DPP10: variants seen among roughly 807,000 people sequenced by gnomAD.
DPP10 encodes dipeptidyl peptidase like 10.
DPP10 carries 33 observed loss-of-function variants against 120.9 expected under a neutral mutation model. That is an observed-to-expected ratio of 0.27 (90% CI 0.21 to 0.37). The LOEUF is 0.37. Among genes scored for constraint, DPP10 ranks in the 10% least tolerant of loss-of-function variants. The pLI, the probability that DPP10 is intolerant of heterozygous loss-of-function variation, is 1.00. For synonymous variants in DPP10, 337 were observed against 326.1 expected (o/e 1.03, Z -0.36); for missense variants, 816 against 942.8 (o/e 0.87, Z 1.76).
intron 1 of DPP10, among the ~76,000 whole-genome samples, chr2:114,786,803 G>A (rs1310743176): frequency 6.6e-6 from 1 of 152,164 alleles, no homozygotes; most frequent in Non-Finnish European, 1.5e-5. Flanking sequence ...GGTCAAAAAA[G>A]CCACCTGGGC....
At chr2:115,473,665 A>G (rs1574951377) in intron 3 of DPP10, among the ~76,000 whole-genome samples, 1 of 152,232 alleles carries the variant, frequency 6.6e-6, no homozygotes, top group Admixed American at 6.5e-5. Flanking sequence ...AGGAGCATAA[A>G]GGCTGCTGTT....
intron 1 of DPP10, among the ~76,000 whole-genome samples, chr2:114,665,457 C>T (rs913531853): frequency 5.9e-5 from 9 of 152,084 alleles, no homozygotes; most frequent in Non-Finnish European, 1.0e-4. Context: ...AGAGAAAACA[C>T]GACATGAAGC....
chr2:115,234,764 A>G (rs1415490070), intron 1 of DPP10: 1 of 152,164 alleles, frequency 6.6e-6, no homozygotes, highest in Non-Finnish European at 1.5e-5. Flanking sequence ...CTGCAGAGTA[A>G]TCACTAATTC....
intron 5 of DPP10, among the ~76,000 whole-genome samples, chr2:115,575,486 A>G (rs1164129388): frequency 6.6e-6 from 1 of 152,156 alleles, no homozygotes; most frequent in Non-Finnish European, 1.5e-5. Context: ...AAAAGATCAA[A>G]CGTAGTTTTT....
chr2:115,632,806 T>C (rs2085990878), intron 5 of DPP10, among the ~76,000 whole-genome samples: 1 of 152,126 alleles, frequency 6.6e-6, no homozygotes, highest in Non-Finnish European at 1.5e-5. Flanking sequence ...AAGACATTTA[T>C]GCAGCCAAAA....
At chr2:115,083,546 C>T (rs922703721) in intron 1 of DPP10, among the ~76,000 whole-genome samples, 1 of 152,334 alleles carries the variant, frequency 6.6e-6, no homozygotes, top group Admixed American at 6.5e-5. Flanking sequence ...TTCTCTCGCA[C>T]TGCTCTAGTT....
chr2:115,643,065 A>G (rs2086916076), intron 5 of DPP10, among the ~76,000 whole-genome samples: 1 of 152,124 alleles, frequency 6.6e-6, no homozygotes, highest in Admixed American at 6.6e-5. Context: ...ACATGCATTA[A>G]AGGAGAAATT....
chr2:115,203,373 G>A (rs894864430), intron 1 of DPP10, among the ~76,000 whole-genome samples: 4 of 152,134 alleles, frequency 2.6e-5, no homozygotes, highest in African/African-American at 9.7e-5. Context: ...CTTTATACAA[G>A]TGAAAGTGCT....
chr2:114,623,480 T>TTCTA (rs1168892421), intron 1 of DPP10, among the ~76,000 whole-genome samples: 1 of 152,128 alleles, frequency 6.6e-6, no homozygotes, highest in East Asian at 1.9e-4. Flanking sequence ...CAAGATGCAC[T>TTCTA]TCTAGTTCCT....
chr2:114,698,354 C>T (rs1700188854), intron 1 of DPP10, among the ~76,000 whole-genome samples: 1 of 152,062 alleles, frequency 6.6e-6, no homozygotes, highest in Non-Finnish European at 1.5e-5. Context: ...TCAGTAAAGC[C>T]TTCAGCTGAC....
At chr2:114,722,548 G>A (rs192290343) in intron 1 of DPP10, among the ~76,000 whole-genome samples, 6 of 152,072 alleles carry the variant, frequency 3.9e-5, no homozygotes, top group African/African-American at 1.4e-4. Context: ...AGGCCGAGGC[G>A]GGTGGATCAT....
intron 3 of DPP10, among the ~76,000 whole-genome samples, chr2:115,384,873 C>T (rs897962340): frequency 2.0e-5 from 3 of 152,146 alleles, no homozygotes. Flanking sequence ...CCCGTAATTC[C>T]CACATATTGT....
intron 5 of DPP10, among the ~76,000 whole-genome samples, chr2:115,643,447 G>A (rs1467908881): frequency 6.6e-6 from 1 of 152,144 alleles, no homozygotes; most frequent in Non-Finnish European, 1.5e-5. Context: ...GGGTCTACCT[G>A]TATAGACTGC....
chr2:115,659,749 G>A (rs956517851), intron 5 of DPP10, among the ~76,000 whole-genome samples: 1 of 152,098 alleles, frequency 6.6e-6, no homozygotes, highest in African/African-American at 2.4e-5. Flanking sequence ...CTTAGCATAA[G>A]GAGTTTAGTC....
intron 3 of DPP10, among the ~76,000 whole-genome samples, chr2:115,478,712 C>T (rs952930990): frequency 6.6e-6 from 1 of 151,904 alleles, no homozygotes; most frequent in Non-Finnish European, 1.5e-5. Context: ...ACAAGAATTA[C>T]AAAACAAACA....
intron 5 of DPP10, among the ~76,000 whole-genome samples, chr2:115,622,764 A>G (rs554427577): frequency 1.3e-5 from 2 of 151,428 alleles, no homozygotes; most frequent in East Asian, 3.9e-4. Context: ...TAATGATAAT[A>G]GGCACTTCTG....
chr2:115,701,764 G>A (rs540900445), intron 7 of DPP10, among the ~76,000 whole-genome samples: 6 of 151,848 alleles, frequency 4.0e-5, no homozygotes, highest in East Asian at 1.9e-4. Flanking sequence ...ATTCTAAAAC[G>A]TAATAAAAAG....
chr2:114,915,380 G>T (rs1180294524), intron 1 of DPP10, among the ~76,000 whole-genome samples: 3 of 152,132 alleles, frequency 2.0e-5, no homozygotes, highest in Non-Finnish European at 4.4e-5. Context: ...TGAAGACTTA[G>T]TTAACTACAC....
chr2:114,634,619 C>T (rs572408396), intron 1 of DPP10, among the ~76,000 whole-genome samples: 1 of 151,818 alleles, frequency 6.6e-6, no homozygotes, highest in Non-Finnish European at 1.5e-5. Flanking sequence ...TGAGCAAATT[C>T]CTTAACTTCT....
Sources: gnomAD v4.1 joint callset for allele counts (sites outside exome capture counted in the v4.1 genomes callset) on GRCh38, gnomAD v4.1.1 for gene constraint, MANE v1.5 for transcripts, NCBI Gene and HGNC (gene_info 2026-07-23, HGNC 2026-07-21) for gene names.